The following UTP20 variants were observed in gnomAD, a reference collection of about 807,000 sequenced individuals.
UTP20 encodes the protein UTP20 small subunit processome component.
In UTP20, 164 loss-of-function variants were observed where a neutral mutation model predicts 329.5. The ratio of observed to expected loss-of-function variants is 0.50; its 90% CI spans 0.44 to 0.57. The LOEUF (loss-of-function observed/expected upper bound fraction) is 0.57. Among genes scored for constraint, UTP20 ranks in the 20% least tolerant of loss-of-function variants. UTP20 has a pLI of 0.00. For missense variants in UTP20, 3,055 were observed against 3,284.2 expected, an observed-to-expected ratio of 0.93 and a Z score of 1.71; for synonymous variants, 1,151 against 1,159.3, an observed-to-expected ratio of 0.99 and a Z score of 0.14.
intron 15 of UTP20, among the ~76,000 whole-genome samples, chr12:101,303,387 T>C (rs561524003): frequency 6.6e-6 from 1 of 151,560 alleles, no homozygotes; most frequent in African/African-American, 2.4e-5. Flanking sequence ...ATAGGGAGAG[T>C]CCAGAGGTGA....
chr12:101,359,867 G>A (rs1277871869), intron 43 of UTP20, among the ~76,000 whole-genome samples: 2 of 152,166 alleles, frequency 1.3e-5, no homozygotes, highest in African/African-American at 2.4e-5. Context: ...TCTCAGAACT[G>A]TAGTTCCAAT....
chr12:101,372,266 G>C (rs1593453610), intron 51 of UTP20, among the ~76,000 whole-genome samples: 2 of 152,182 alleles, frequency 1.3e-5, no homozygotes, highest in Admixed American at 1.3e-4. Context: ...ATACCATAGT[G>C]GTTTGAAAGT....
intron 11 of UTP20, among the ~76,000 whole-genome samples, chr12:101,294,982 G>A (rs1340104383): frequency 6.6e-6 from 1 of 152,180 alleles, no homozygotes; most frequent in Non-Finnish European, 1.5e-5. Context: ...TAATTTAGCA[G>A]CTCAATTTTT....
chr12:101,304,506 T>C (rs990432116), intron 15 of UTP20, among the ~76,000 whole-genome samples: 13 of 152,250 alleles, frequency 8.5e-5, no homozygotes, highest in Non-Finnish European at 1.3e-4. Context: ...AGCCCTGGTC[T>C]GAACTCCTTT....
intron 37 of UTP20, 130 bp downstream of exon 37, chr12:101,345,824 A>T: frequency 3.7e-6 from 3 of 813,890 alleles, no homozygotes; most frequent in Non-Finnish European, 5.5e-6. Context: ...GGTCTTTATG[A>T]TCATCATTGA....
chr12:101,324,504 AG>A (rs1372971056), intron 25 of UTP20, among the ~76,000 whole-genome samples: 11 of 152,140 alleles, frequency 7.2e-5, no homozygotes, highest in African/African-American at 2.7e-4. Flanking sequence ...TCCTGAGCTC[AG>A]GCTGTCCCCC....
At position 101,373,341 on chromosome 12, in the gene UTP20, T is replaced by A. The variant is rs1870354208; in HGVS notation, c.6879-60T>A. 4.7e-6 allele frequency: 7 copies of A among 1,476,280 alleles called. No homozygotes were observed. The South Asian group carries it at 4.8e-5, about 10-fold the overall frequency. The allele number at this position is 1,476,280 out of a possible 1,614,324, so 91.4% of individuals were successfully genotyped here. A position where few individuals can be genotyped will look rare whatever the true frequency, so the allele number is the denominator to read the frequency against. On this transcript the variant is annotated intron_variant, in intron 52 of 61. Coordinates refer to ENST00000261637, the MANE Select transcript of UTP20 (RefSeq NM_014503.3). ...ACCTTGATACAATATTTTCATTTTT[T>A]AAATAATTATTTGTAAATTTAGAAG...
At position 101,329,163 on chromosome 12, in the gene UTP20, G is replaced by A. The variant is rs1259154847; in HGVS notation, c.3209-78G>A. Reference sequence around the variant, plus strand: ...AAATACTGTATTATTAAGGGAAATGGAAATAAAACTACAATTATAAATAGT... The same window carrying A: ...AAATACTGTATTATTAAGGGAAATGAAAATAAAACTACAATTATAAATAGT... On this transcript the variant is annotated intron_variant, in intron 26 of 61. Transcript: ENST00000261637. 10 of 1,261,556 alleles carry A rather than the reference G, an allele frequency of 7.9e-6. No individual in the cohort carries two copies. In the East Asian group the frequency reaches 2.1e-4, roughly 27 times the overall value. The allele number at this position is 1,261,556 out of a possible 1,614,324, so 78.1% of individuals were successfully genotyped here.
At chr12:101,300,125 C>G in intron 14 of UTP20, 64 bp downstream of exon 14, 1 of 1,436,922 alleles carries the variant, frequency 7.0e-7, no homozygotes, top group Non-Finnish European at 9.8e-7. Context: ...TAATTGTAAA[C>G]ACATGAGCTA....
At position 101,353,959 on chromosome 12, in the gene UTP20, G is replaced by T. The variant is rs1180300306; in HGVS notation, c.5107+830G>T. On this transcript the variant is annotated intron_variant, in intron 40 of 61. Transcript: ENST00000261637. ...CCAGATAGATTTCTAACCATTAAAG[G>T]AATTGAATGCACAGTTAGGCTGGGG... 2.6e-5 allele frequency among the ~76,000 whole-genome samples: 4 copies of T among 151,834 alleles called. 1 individual carries two copies. In the South Asian group the frequency reaches 8.3e-4, roughly 32 times the overall value.
rs1392984466 is a variant in UTP20 at position 101,357,052 on chromosome 12, A to C, written c.5661A>C (p.Glu1887Asp). Residue 1887 changes from glutamate (E) to aspartate (D), a missense_variant, in exon 43 of 62, where the codon GAA becomes GAC. Physicochemically the swap from Glu to Asp is conservative, Grantham distance 45 (BLOSUM62 2). Around this residue, in one of 3 missense-constraint regions of UTP20, gnomAD observed 2,445 missense variants for 2,575.5 expected, o/e 0.95. Transcript: ENST00000261637. ...ACTTCCTCCTATATGTTTTAAAAGA[A>C]TTACAGACTACTCTTGTCCGTGGAT... ...GVHFLLYVLKELQTTLVRGYQ... is the reference protein window; with the variant it reads ...GVHFLLYVLKDLQTTLVRGYQ... 1 of 1,613,404 alleles carries C rather than the reference A, an allele frequency of 6.2e-7. No individual in the cohort carries two copies. The highest frequency in any genetic ancestry group is 8.5e-7 in the Non-Finnish European group (1 of 1,179,760).
intron 54 of UTP20, among the ~76,000 whole-genome samples, chr12:101,374,371 C>T (rs1368927241): frequency 6.6e-6 from 1 of 151,962 alleles, no homozygotes. Flanking sequence ...CCTTTGTTTC[C>T]AATTTTGCAT....
At chr12:101,317,013 T>A (rs1872991203) in intron 21 of UTP20, among the ~76,000 whole-genome samples, 1 of 152,234 alleles carries the variant, frequency 6.6e-6, no homozygotes, top group Admixed American at 6.5e-5. Flanking sequence ...TAGTTCCATC[T>A]GTCTTATCAA....
At chr12:101,300,832 T>C (rs1395887749) in intron 14 of UTP20, among the ~76,000 whole-genome samples, 1 of 152,216 alleles carries the variant, frequency 6.6e-6, no homozygotes, top group Non-Finnish European at 1.5e-5. Context: ...AAGTGCTCTG[T>C]AGCCATATGT....
chr12:101,374,689 G>C, intron 54 of UTP20, 119 bp from the exon 55 acceptor site: 1 of 632,798 alleles, frequency 1.6e-6, no homozygotes, highest in Middle Eastern at 2.7e-4. Context: ...TCTGGCATCA[G>C]AAAGAAATGT....
chr12:101,290,087 A>G lies in UTP20; in HGVS notation c.598-50A>G, dbSNP rs530208149. The G allele has an allele frequency of 9.7e-6, 13 of 1,342,954 alleles. No individual in the cohort carries two copies. The African/African-American group carries it at 1.9e-4, about 20-fold the overall frequency. The allele number at this position is 1,342,954 out of a possible 1,614,324, so 83.2% of individuals were successfully genotyped here. A position where few individuals can be genotyped will look rare whatever the true frequency, so the allele number is the denominator to read the frequency against. ...TAGCAAATGAGAGTTCTTCATTTGG[A>G]TATGTTTATGTTTGTGAATATAATT... is the stretch of plus-strand genomic sequence containing the variant. On this transcript the variant is annotated intron_variant, in intron 6 of 61. Transcript: ENST00000261637.
intron 47 of UTP20, among the ~76,000 whole-genome samples, chr12:101,367,213 A>G (rs1487364766): frequency 3.3e-5 from 5 of 152,150 alleles, no homozygotes; most frequent in African/African-American, 1.2e-4. Flanking sequence ...TGAGCCCAGG[A>G]GTTTGAGGCT....
At chr12:101,349,359 T>C (rs1869441088) in intron 38 of UTP20, among the ~76,000 whole-genome samples, 1 of 152,018 alleles carries the variant, frequency 6.6e-6, no homozygotes, top group Non-Finnish European at 1.5e-5. Context: ...TCATTGACCT[T>C]CTTGAATATG....
At chr12:101,369,658 G>C in intron 48 of UTP20, 63 bp from the exon 49 acceptor site, 1 of 797,414 alleles carries the variant, frequency 1.3e-6, no homozygotes, top group African/African-American at 1.7e-5. Context: ...CATAGCCTCA[G>C]GTGCTGCATA....
Sources: allele counts gnomAD v4.1 joint callset (sites outside exome capture counted in the v4.1 genomes callset), GRCh38; gene constraint gnomAD v4.1.1; regional missense constraint gnomAD v4.1.1; transcripts MANE v1.5; gene names NCBI Gene and HGNC (gene_info 2026-07-23, HGNC 2026-07-21).